FBXL2: variants seen among roughly 807,000 people sequenced by gnomAD.
FBXL2 encodes the protein F-box and leucine rich repeat protein 2.
Under a neutral mutation model 69.2 loss-of-function variants are expected in FBXL2, and 38 were observed. That is an observed-to-expected ratio of 0.55 (90% CI 0.42 to 0.72). The LOEUF is 0.72. FBXL2 is among the 30% of genes least tolerant of loss of function. The pLI is 0.00. For missense variants in FBXL2, 354 were observed against 520.3 expected (o/e 0.68, Z 3.11); for synonymous variants, 192 against 201.3 (o/e 0.95, Z 0.39).
downstream of FBXL2, chr3:33,389,487 T>A (rs1391037691): frequency 3.3e-5 from 1 of 30,746 alleles, no homozygotes; most frequent in South Asian, 1.2e-3. Flanking sequence ...GGGGTTAGGG[T>A]GGGGGTGGTC....
chr3:33,297,571 G>T, intron 1 of FBXL2, 93 bp from the exon 2 acceptor site: 2 of 708,228 alleles, frequency 2.8e-6, no homozygotes, highest in Non-Finnish European at 4.8e-6. Context: ...ACAATAATTG[G>T]GGCCGTTCTG....
At chr3:33,298,920 A>G (rs967455992) in intron 2 of FBXL2, among the ~76,000 whole-genome samples, 5 of 152,134 alleles carry the variant, frequency 3.3e-5, no homozygotes, top group South Asian at 2.1e-4. Context: ...AACAAAACCT[A>G]TAGGACTTCA....
chr3:33,347,565 C>T (rs2154033928), intron 2 of FBXL2, among the ~76,000 whole-genome samples: 1 of 152,144 alleles, frequency 6.6e-6, no homozygotes, highest in African/African-American at 2.4e-5. Flanking sequence ...CATATGGGAG[C>T]TCTGTTTTTA....
intron 1 of FBXL2, among the ~76,000 whole-genome samples, chr3:33,279,054 TTTAAAA>T (rs2033658784): frequency 6.6e-6 from 1 of 152,242 alleles, no homozygotes; most frequent in African/African-American, 2.4e-5. Context: ...AGAGTTTTAC[TTTAAAA>T]TAAAAGCATT....
At chr3:33,341,059 T>C (rs1317040009) in intron 2 of FBXL2, among the ~76,000 whole-genome samples, 1 of 152,194 alleles carries the variant, frequency 6.6e-6, no homozygotes, top group East Asian at 1.9e-4. Context: ...TTACAGCTCT[T>C]AATAAATTAA....
At chr3:33,285,120 A>G (rs886181274) in intron 1 of FBXL2, among the ~76,000 whole-genome samples, 1 of 152,146 alleles carries the variant, frequency 6.6e-6, no homozygotes, top group African/African-American at 2.4e-5. Flanking sequence ...TCGTTGATGC[A>G]GTTTCTTCTT....
chr3:33,385,379 T>G, intron 14 of FBXL2, 122 bp from the exon 15 acceptor site: 4 of 891,800 alleles, frequency 4.5e-6, no homozygotes, highest in Non-Finnish European at 7.6e-6. Context: ...ATCTATAGCA[T>G]AAATTCTACT....
At chr3:33,362,491 C>T (rs565904317) in intron 4 of FBXL2, among the ~76,000 whole-genome samples, 1 of 152,186 alleles carries the variant, frequency 6.6e-6, no homozygotes, top group Non-Finnish European at 1.5e-5. Flanking sequence ...GCATTTTCCC[C>T]CTCTTAGTTG....
chr3:33,325,760 T>TC (rs2038640075), intron 2 of FBXL2, among the ~76,000 whole-genome samples: 1 of 152,194 alleles, frequency 6.6e-6, no homozygotes, highest in Admixed American at 6.5e-5. Context: ...TAATTTGATT[T>TC]ATAGTGTGTT....
chr3:33,356,767 G>A (rs1214753736), intron 2 of FBXL2, among the ~76,000 whole-genome samples: 2 of 152,146 alleles, frequency 1.3e-5, no homozygotes, highest in African/African-American at 2.4e-5. Flanking sequence ...GTACATTGTT[G>A]AACTATGGGG....
chr3:33,378,050 T>G, intron 11 of FBXL2, 53 bp from the exon 12 acceptor site: 1 of 1,571,912 alleles, frequency 6.4e-7, no homozygotes, highest in East Asian at 2.2e-5. Context: ...AAGCCACCAT[T>G]GTTGCTGTCA....
At chr3:33,299,293 C>T (rs562740564) in intron 2 of FBXL2, among the ~76,000 whole-genome samples, 2 of 152,248 alleles carry the variant, frequency 1.3e-5, no homozygotes, top group African/African-American at 4.8e-5. Context: ...CCGCCCGCCT[C>T]GGCCTCCCAA....
chr3:33,277,465 C>A lies in FBXL2; in HGVS notation c.-48C>A. 7.9e-7 allele frequency: 1 copy of A among 1,269,670 alleles called. No homozygotes were observed. Among genetic ancestry groups the A allele is most frequent in the Non-Finnish European group, 1.0e-6 (1 of 1,000,828 alleles). 78.7% of individuals were successfully genotyped at this position (1,269,670 alleles called of 1,614,324 possible). ...GCGTCACCAGGACAACGGGCGTCGC[C>A]GGCGCCGTGTGACTTCGGGCTGTGG... On this transcript the variant is annotated 5_prime_UTR_variant, in exon 1 of 15. Coordinates refer to ENST00000484457, the MANE Select transcript of FBXL2 (RefSeq NM_012157.5).
chr3:33,283,404 G>A (rs983462229), intron 1 of FBXL2, among the ~76,000 whole-genome samples: 30 of 152,012 alleles, frequency 2.0e-4, no homozygotes, highest in African/African-American at 7.3e-4. Context: ...AAGCCAACTT[G>A]ATCGTGTTGG....
chr3:33,347,906 T>C (rs2040562702), intron 2 of FBXL2, among the ~76,000 whole-genome samples: 1 of 152,166 alleles, frequency 6.6e-6, no homozygotes, highest in Admixed American at 6.6e-5. Context: ...GAGCTCCTTA[T>C]ATATTCTGGT....
chr3:33,302,527 T>C (rs1054434299), intron 2 of FBXL2, among the ~76,000 whole-genome samples: 7 of 152,168 alleles, frequency 4.6e-5, no homozygotes, highest in Admixed American at 3.9e-4. Context: ...ATGTTAGTGA[T>C]GAAGTAAAAG....
chr3:33,306,446 A>G (rs2036725353), intron 2 of FBXL2, among the ~76,000 whole-genome samples: 1 of 152,096 alleles, frequency 6.6e-6, no homozygotes, highest in Non-Finnish European at 1.5e-5. Context: ...TATAGCTATC[A>G]CTATGTTTCA....
At chr3:33,280,713 CAAAAAAAA>C (rs34093056) in intron 1 of FBXL2, among the ~76,000 whole-genome samples, 7 of 81,394 alleles carry the variant, frequency 8.6e-5, no homozygotes, top group East Asian at 3.0e-4. Flanking sequence ...GCCCTGTATC[CAAAAAAAA>C]AAAAAAAAAA....
At chr3:33,280,736 AAAG>A (rs970990078) in intron 1 of FBXL2, among the ~76,000 whole-genome samples, 3 of 151,568 alleles carry the variant, frequency 2.0e-5, no homozygotes, top group Non-Finnish European at 2.9e-5. Context: ...AAAAAAAAGA[AAAG>A]AAAAAAAGGC....
Sources: allele counts gnomAD v4.1 joint callset (sites outside exome capture counted in the v4.1 genomes callset), GRCh38; gene constraint gnomAD v4.1.1; transcripts MANE v1.5; gene names NCBI Gene and HGNC (gene_info 2026-07-23, HGNC 2026-07-21).